Variants in PIP5K1B observed in about 807,000 individuals in gnomAD.
PIP5K1B encodes the protein phosphatidylinositol-4-phosphate 5-kinase type 1 beta.
A neutral mutation model predicts 67.0 loss-of-function variants in PIP5K1B; 42 were observed. The observed-to-expected ratio is 0.63, with a 90% CI of 0.49 to 0.81. The LOEUF is 0.81. PIP5K1B is among the 30% of genes least tolerant of loss of function. PIP5K1B has a pLI of 0.00. For synonymous variants in PIP5K1B, 214 were observed against 231.4 expected (o/e 0.92, Z 0.68); for missense variants, 459 against 646.3 (o/e 0.71, Z 3.14).
chr9:68,800,451 G>T (rs1277288386), intron 2 of PIP5K1B, among the ~76,000 whole-genome samples: 3 of 152,182 alleles, frequency 2.0e-5, no homozygotes, highest in African/African-American at 7.2e-5. Context: ...AACATGGGTT[G>T]CTTGAAGTAC....
intron 2 of PIP5K1B, among the ~76,000 whole-genome samples, chr9:68,772,330 A>T (rs192986498): frequency 3.3e-5 from 5 of 152,322 alleles, no homozygotes; most frequent in Non-Finnish European, 7.4e-5. Flanking sequence ...GGCTGGGTTC[A>T]ACCTGTTTGT....
chr9:68,788,809 A>G, intron 2 of PIP5K1B: 1 of 248,982 alleles, frequency 4.0e-6, no homozygotes, highest in Non-Finnish European at 8.3e-6. Context: ...CATACAAGTG[A>G]ACTACTGTCT....
chr9:68,765,893 A>G (rs1830404542), intron 2 of PIP5K1B, among the ~76,000 whole-genome samples: 1 of 152,200 alleles, frequency 6.6e-6, no homozygotes, highest in Non-Finnish European at 1.5e-5. Flanking sequence ...CTTGCTATAC[A>G]TATCCTCTGA....
intron 4 of PIP5K1B, among the ~76,000 whole-genome samples, chr9:68,856,905 C>T (rs1221702508): frequency 1.3e-5 from 2 of 152,160 alleles, no homozygotes; most frequent in Non-Finnish European, 2.9e-5. Flanking sequence ...AAGACATTGC[C>T]AATAACTTCA....
At chr9:68,845,247 C>T (rs1442417087) in intron 4 of PIP5K1B, among the ~76,000 whole-genome samples, 1 of 152,146 alleles carries the variant, frequency 6.6e-6, no homozygotes, top group Non-Finnish European at 1.5e-5. Flanking sequence ...AATGTCTGTC[C>T]ATGTTTGTAA....
At chr9:68,766,648 G>A (rs1830440691) in intron 2 of PIP5K1B, among the ~76,000 whole-genome samples, 1 of 152,166 alleles carries the variant, frequency 6.6e-6, no homozygotes, top group African/African-American at 2.4e-5. Flanking sequence ...TTATTACAGT[G>A]TCAAAAGTAA....
At chr9:68,788,294 G>T in intron 2 of PIP5K1B, 1 of 648,194 alleles carries the variant, frequency 1.5e-6, no homozygotes, top group Non-Finnish European at 2.7e-6. Context: ...TTTTCCCTCT[G>T]CAGACTCTCC....
chr9:68,755,686 T>TTATCTAAACA (rs1829891933), intron 2 of PIP5K1B, among the ~76,000 whole-genome samples: 1 of 152,228 alleles, frequency 6.6e-6, no homozygotes, highest in Non-Finnish European at 1.5e-5. Context: ...TCACATGTGT[T>TTATCTAAACA]TTTCCTAGAT....
At chr9:68,929,723 A>ATG (rs1826898641) in intron 12 of PIP5K1B, among the ~76,000 whole-genome samples, 8 of 152,180 alleles carry the variant, frequency 5.3e-5, no homozygotes, top group African/African-American at 1.9e-4. Context: ...AGGCTGGAGT[A>ATG]CAGTGGCACT....
At chr9:68,794,352 A>G (rs1227334686) in intron 2 of PIP5K1B, among the ~76,000 whole-genome samples, 1 of 152,166 alleles carries the variant, frequency 6.6e-6, no homozygotes, top group Non-Finnish European at 1.5e-5. Flanking sequence ...GTATGTGATT[A>G]TAGCTTGGGG....
intron 4 of PIP5K1B, chr9:68,843,029 C>G (rs1374897430): frequency 1.3e-5 from 2 of 152,236 alleles, no homozygotes; most frequent in African/African-American, 4.8e-5. Context: ...CAGCTTCCCT[C>G]TGCCCTTCAC....
chr9:68,897,467 CG>C (rs1454493457), intron 8 of PIP5K1B, among the ~76,000 whole-genome samples: 2 of 151,896 alleles, frequency 1.3e-5, no homozygotes, highest in Admixed American at 6.5e-5. Context: ...AAGCTTTCTC[CG>C]GATAGGCAAA....
intron 8 of PIP5K1B, among the ~76,000 whole-genome samples, chr9:68,902,719 T>C (rs1226768915): frequency 6.6e-6 from 1 of 152,258 alleles, no homozygotes; most frequent in Non-Finnish European, 1.5e-5. Flanking sequence ...CCATTTTACA[T>C]TTCCACCAGC....
chr9:68,713,328 T>G (rs1317169550), intron 1 of PIP5K1B, among the ~76,000 whole-genome samples: 3 of 151,914 alleles, frequency 2.0e-5, no homozygotes, highest in African/African-American at 4.8e-5. Flanking sequence ...GAACCCGGGA[T>G]GCAGAGGTTG....
chr9:68,812,493 T>A (rs1176849805), intron 2 of PIP5K1B, among the ~76,000 whole-genome samples: 1 of 152,230 alleles, frequency 6.6e-6, no homozygotes, highest in East Asian at 1.9e-4. Flanking sequence ...AACAGTCCAA[T>A]CATATGACAC....
chr9:68,843,726 C>T (rs902025968), intron 4 of PIP5K1B, among the ~76,000 whole-genome samples: 6 of 152,214 alleles, frequency 3.9e-5, no homozygotes, highest in African/African-American at 1.4e-4. Context: ...TTGGGAAAAC[C>T]TATTTCCTTA....
At chr9:68,858,812 G>C (rs769862274) in intron 4 of PIP5K1B, among the ~76,000 whole-genome samples, 81 of 152,238 alleles carry the variant, frequency 5.3e-4, no homozygotes, top group Non-Finnish European at 1.0e-3. Context: ...TTTAAAGCCA[G>C]TGATATCAGA....
intron 14 of PIP5K1B, among the ~76,000 whole-genome samples, chr9:68,954,901 C>T (rs1007444473): frequency 6.6e-6 from 1 of 152,168 alleles, no homozygotes; most frequent in African/African-American, 2.4e-5. Context: ...CTGTAAGTCC[C>T]CAGAGGTGTC....
At chr9:68,753,002 G>A (rs1008096694) in intron 2 of PIP5K1B, among the ~76,000 whole-genome samples, 1 of 152,008 alleles carries the variant, frequency 6.6e-6, no homozygotes, top group Non-Finnish European at 1.5e-5. Context: ...TAGTACTTTT[G>A]TGGTTCCATT....
Sources: allele counts gnomAD v4.1 joint callset (sites outside exome capture counted in the v4.1 genomes callset), GRCh38; gene constraint gnomAD v4.1.1; transcripts MANE v1.5; gene names NCBI Gene and HGNC (gene_info 2026-07-23, HGNC 2026-07-21).